CPZ: variants seen among roughly 807,000 people sequenced by gnomAD.
CPZ encodes the protein carboxypeptidase Z, also known as VEZT/CPZ fusion.
In CPZ, 103 loss-of-function variants were observed where a neutral mutation model predicts 61.8. The ratio of observed to expected loss-of-function variants is 1.67; its 90% confidence interval spans 1.42 to 1.96. The LOEUF is 1.96. CPZ is among the 30% of genes most tolerant of loss of function. CPZ has a pLI of 0.00. For synonymous variants in CPZ, 551 were observed against 373.7 expected (o/e 1.47, Z -5.47); for missense variants, 1,461 against 914.9 (o/e 1.60, Z -7.70).
chr4:8,595,522 G>T (rs1714114037), intron 1 of CPZ, among the ~76,000 whole-genome samples: 1 of 152,204 alleles, frequency 6.6e-6, no homozygotes, highest in South Asian at 2.1e-4. Context: ...AAAACCAGAG[G>T]CCTACGGAGG....
intron 9 of CPZ, among the ~76,000 whole-genome samples, chr4:8,614,713 G>C (rs926161345): frequency 2.6e-5 from 4 of 152,184 alleles, no homozygotes; most frequent in African/African-American, 9.7e-5. Flanking sequence ...GGGTGGCGGT[G>C]CCATGTGTTG....
At chr4:8,599,937 G>A (rs963902873) in intron 2 of CPZ, 5 of 182,304 alleles carry the variant, frequency 2.7e-5, no homozygotes, top group East Asian at 1.7e-4. Context: ...CAAAAGTGAC[G>A]TGGGAGCCAA....
Position 8,616,728 on chromosome 4 carries a change from C to A in CPZ, c.1504-1701C>A, listed in dbSNP as rs528141047. On this transcript the variant is annotated intron_variant, in intron 9 of 10. Coordinates refer to ENST00000360986, the MANE Select transcript of CPZ (RefSeq NM_001014447.3). ...GGGGCATGGTGGCTTCTCGAGCTGT[C>A]CAGTTTCTCTTCATCACCTCTCATG... 5.3e-5 allele frequency among the ~76,000 whole-genome samples: 8 copies of A among 152,312 alleles called. No individual in the cohort carries two copies. In the East Asian group the frequency reaches 1.3e-3, roughly 26 times the overall value.
chr4:8,609,820 G>A (rs1173911275), intron 7 of CPZ, among the ~76,000 whole-genome samples: 1 of 152,230 alleles, frequency 6.6e-6, no homozygotes, highest in African/African-American at 2.4e-5. Context: ...CCTGTGGCCG[G>A]CAGTGATCTC....
chr4:8,601,367 C>A lies in CPZ; in HGVS notation c.366C>A (p.Cys122Ter), dbSNP rs143245050. ...GWVRRPCRHI[C>*]EGLREVCQPA... ...TGCGCAGACCCTGCCGGCACATCTG[C>A]GAGGGCCTGCGGGAGGTCTGCCAGC... The change falls in exon 3 of 11, where the codon TGC becomes TGA. Residue 122 changes from cysteine to a stop codon, truncating the protein, a stop_gained. Coordinates refer to ENST00000360986, the MANE Select transcript of CPZ (RefSeq NM_001014447.3). LOFTEE classifies it high-confidence loss of function. 14 of 1,600,734 alleles carry A rather than the reference C, an allele frequency of 8.7e-6. No homozygotes were observed. The East Asian group carries it at 1.8e-4, about 21-fold the overall frequency.
rs1560297554 is a variant in CPZ, at chr4:8,609,019, A to ACTCCCTCCCTCC, written c.1227+1597_1227+1598insCCTCCCTCCCTC. Among the ~76,000 whole-genome samples the ACTCCCTCCCTCC allele has an allele frequency of 1.2e-4, 6 of 50,280 alleles. No homozygotes were observed. The East Asian group carries it at 2.4e-3, about 20-fold the overall frequency. The allele number at this position is 50,280 out of a possible 152,430, so 33.0% of individuals were successfully genotyped here. A position where few individuals can be genotyped will look rare whatever the true frequency, so the allele number is the denominator to read the frequency against. ...TCTTTCACTTGTTCATCATTCATTA[A>ACTCCCTCCCTCC]CTCACTCCTTCACTCACCCATTCAC... On this transcript the variant is annotated intron_variant, in intron 7 of 10. Transcript: ENST00000360986.
At chr4:8,611,891 C>T in intron 7 of CPZ, 136 bp from the exon 8 acceptor site, 2 of 1,258,188 alleles carry the variant, frequency 1.6e-6, no homozygotes, top group Non-Finnish European at 2.2e-6. Context: ...TTCCCCTCTC[C>T]TACCTGCAGA....
At chr4:8,605,028 C>T (rs1230889776) in intron 4 of CPZ, among the ~76,000 whole-genome samples, 1 of 152,224 alleles carries the variant, frequency 6.6e-6, no homozygotes, top group African/African-American at 2.4e-5. Flanking sequence ...CAGAGGCTCT[C>T]CCTACAGCAC....
chr4:8,611,657 C>A (rs1715705982), intron 7 of CPZ, among the ~76,000 whole-genome samples: 1 of 152,184 alleles, frequency 6.6e-6, no homozygotes, highest in South Asian at 2.1e-4. Flanking sequence ...ACTGCTCCAA[C>A]AGCCTGGGCT....
chr4:8,612,186 T>TGG, intron 8 of CPZ, 24 bp downstream of exon 8: 1 of 179,708 alleles, frequency 5.6e-6, no homozygotes, highest in Non-Finnish European at 7.5e-6. Flanking sequence ...AGGGCGGGAC[T>TGG]GGGCGGGGGG....
chr4:8,617,932 G>A (rs1716326675), intron 9 of CPZ, among the ~76,000 whole-genome samples: 2 of 152,098 alleles, frequency 1.3e-5, no homozygotes, highest in Non-Finnish European at 2.9e-5. Context: ...CCAAGGCCAG[G>A]CAAGCAGTAA....
At chr4:8,614,520 G>A (rs1560302844) in intron 9 of CPZ, 22 bp downstream of exon 9, 1 of 1,610,052 alleles carries the variant, frequency 6.2e-7, no homozygotes, top group East Asian at 2.2e-5. Context: ...CGGTCTCAGG[G>A]CTCTGGTCCA....
chr4:8,611,071 CTCAT>C (rs1450649797), intron 7 of CPZ: 12 of 360,986 alleles, frequency 3.3e-5, no homozygotes, highest in Non-Finnish European at 5.3e-5. Flanking sequence ...CACTCATTCA[CTCAT>C]TCATTCGCTC....
At chr4:8,594,949 G>T (rs945258575) in intron 1 of CPZ, among the ~76,000 whole-genome samples, 14 of 152,020 alleles carry the variant, frequency 9.2e-5, no homozygotes, top group South Asian at 4.1e-4. Context: ...ATTTTTTGTA[G>T]TTTTAGTAGA....
chr4:8,619,151 T>G (rs1026967578), intron 10 of CPZ, 111 bp from the exon 11 acceptor site: 5 of 901,640 alleles, frequency 5.5e-6, no homozygotes, highest in Admixed American at 2.7e-5. Context: ...CAAGTGCACA[T>G]TTGGCGCCTG....
chr4:8,598,037 C>G (rs1714308781), intron 1 of CPZ, among the ~76,000 whole-genome samples: 1 of 152,224 alleles, frequency 6.6e-6, no homozygotes, highest in Admixed American at 6.5e-5. Context: ...GAGAGTGAGC[C>G]CAAGGGCAGC....
chr4:8,601,819 C>T lies in CPZ; in HGVS notation c.496+322C>T, dbSNP rs117129461. Among the ~76,000 whole-genome samples, 12 of 152,306 alleles carry T rather than the reference C, an allele frequency of 7.9e-5. No homozygotes were observed. The East Asian group carries it at 2.1e-3, about 27-fold the overall frequency. ...CCCCGCCCAGGGTGCAGTGAGCAGGCCTCGTGTGGGGGAGCCTGGGCTCAG... is the reference window on the plus strand; with the variant it reads ...CCCCGCCCAGGGTGCAGTGAGCAGGTCTCGTGTGGGGGAGCCTGGGCTCAG... On this transcript the variant is annotated intron_variant, in intron 3 of 10. Transcript: ENST00000360986.
chr4:8,594,621 G>T (rs760343920), intron 1 of CPZ, among the ~76,000 whole-genome samples: 1 of 152,132 alleles, frequency 6.6e-6, no homozygotes, highest in Non-Finnish European at 1.5e-5. Flanking sequence ...CTGCCACCTC[G>T]TGGTTAAGAG....
intron 9 of CPZ, 52 bp downstream of exon 9, chr4:8,614,550 G>A (rs756968792): frequency 8.8e-6 from 14 of 1,589,382 alleles, no homozygotes; most frequent in East Asian, 6.7e-5. Context: ...TGGGTGGGGT[G>A]GGTCACATTC....
Sources: allele counts gnomAD v4.1 joint callset (sites outside exome capture counted in the v4.1 genomes callset), GRCh38; gene constraint gnomAD v4.1.1; transcripts MANE v1.5; gene names NCBI Gene and HGNC (gene_info 2026-07-23, HGNC 2026-07-21).